FBXL17: variants seen among roughly 807,000 people sequenced by gnomAD.
The protein encoded by FBXL17 is F-box and leucine rich repeat protein 17.
Under a neutral mutation model 66.2 loss-of-function variants are expected in FBXL17, and 22 were observed. The ratio of observed to expected loss-of-function variants is 0.33; its 90% CI spans 0.24 to 0.47. FBXL17 has a LOEUF of 0.47. Ranked by LOEUF, FBXL17 falls within the 20% of genes least tolerant of loss-of-function variation. The pLI is 1.00. For missense variants in FBXL17, 878 were observed against 948.2 expected (o/e 0.93, Z 0.97); for synonymous variants, 474 against 400.5 (o/e 1.18, Z -2.19).
chr5:108,193,268 G>A (rs1041164067), intron 5 of FBXL17, among the ~76,000 whole-genome samples: 2 of 152,128 alleles, frequency 1.3e-5, no homozygotes, highest in Non-Finnish European at 2.9e-5. Context: ...GGAGACCAAG[G>A]GAGATCCTAA....
intron 4 of FBXL17, among the ~76,000 whole-genome samples, chr5:108,265,463 T>C (rs1442611697): frequency 6.6e-6 from 1 of 152,164 alleles, no homozygotes; most frequent in Admixed American, 6.5e-5. Context: ...TTAAACCCAG[T>C]ATCACTCCAT....
At chr5:107,951,093 T>C (rs1751484962) in intron 7 of FBXL17, among the ~76,000 whole-genome samples, 1 of 152,132 alleles carries the variant, frequency 6.6e-6, no homozygotes, top group Admixed American at 6.6e-5. Context: ...GCTGCTGCCA[T>C]TGTCATAATG....
intron 6 of FBXL17, among the ~76,000 whole-genome samples, chr5:108,086,618 G>C (rs1189500718): frequency 6.6e-6 from 1 of 152,106 alleles, no homozygotes; most frequent in African/African-American, 2.4e-5. Context: ...GAGTGCAGTG[G>C]CATGATCTCC....
intron 6 of FBXL17, among the ~76,000 whole-genome samples, chr5:108,073,652 A>G (rs1748426403): frequency 6.6e-6 from 1 of 152,214 alleles, no homozygotes; most frequent in Non-Finnish European, 1.5e-5. Flanking sequence ...ACTATAAACA[A>G]GTTTCCCTGA....
At chr5:107,891,073 G>A (rs959403453) in intron 7 of FBXL17, among the ~76,000 whole-genome samples, 5 of 152,174 alleles carry the variant, frequency 3.3e-5, no homozygotes, top group Admixed American at 2.6e-4. Context: ...TGAGAGTGTT[G>A]CAGTTTTAAT....
chr5:108,270,285 A>T (rs1757213360), intron 4 of FBXL17, among the ~76,000 whole-genome samples: 1 of 151,834 alleles, frequency 6.6e-6, no homozygotes, highest in African/African-American at 2.4e-5. Flanking sequence ...AGTGAAGGCG[A>T]TCTCCCCTAC....
rs1381404757 is a variant in FBXL17 at position 108,381,031 on chromosome 5, C to T, written c.661G>A (p.Gly221Ser). 9 of 1,186,930 alleles carry T rather than the reference C, an allele frequency of 7.6e-6. No individual in the cohort carries two copies. The highest frequency in any genetic ancestry group is 7.3e-6 in the Non-Finnish European group (7 of 959,258). 73.5% of individuals were successfully genotyped at this position (1,186,930 alleles called of 1,614,324 possible). A position where few individuals can be genotyped will look rare whatever the true frequency, so the allele number is the denominator to read the frequency against. The change falls in exon 1 of 9, where the codon GGC becomes AGC. Residue 221 changes from glycine to serine, a missense_variant. Gly to Ser is a moderately conservative substitution (Grantham distance 56). This residue lies in a region of FBXL17 where 605 missense variants were observed against 509.5 expected (regional missense o/e 1.19). Coordinates refer to ENST00000542267, the MANE Select transcript of FBXL17 (RefSeq NM_001163315.3). ...KQPRCGGGGC[G>S]GGGGGGGGGG... ...CCGCCACCGCCGCCGCCGCCGCCGC[C>T]GCAGCCCCCGCCGCCGCAGCGGGGC... is the stretch of plus-strand genomic sequence containing the variant.
chr5:108,355,631 G>C (rs779490880), intron 3 of FBXL17, among the ~76,000 whole-genome samples: 1 of 152,054 alleles, frequency 6.6e-6, no homozygotes, highest in African/African-American at 2.4e-5. Flanking sequence ...CACTACCTGT[G>C]ATGCAGTACA....
chr5:108,358,173 C>T (rs1281333407), intron 3 of FBXL17, among the ~76,000 whole-genome samples: 1 of 152,010 alleles, frequency 6.6e-6, no homozygotes, highest in Non-Finnish European at 1.5e-5. Context: ...CATTTTATTT[C>T]TTTTTCTTGC....
intron 6 of FBXL17, among the ~76,000 whole-genome samples, chr5:108,083,250 C>CACACACACACACACACACACACAG (rs369652150): frequency 6.9e-6 from 1 of 145,582 alleles, no homozygotes; most frequent in African/African-American, 2.6e-5. Flanking sequence ...CACACACACA[C>CACACACACACACACACACACACAG]AGAGAGAGAG....
At chr5:108,079,340 A>C (rs1349550652) in intron 6 of FBXL17, among the ~76,000 whole-genome samples, 1 of 152,116 alleles carries the variant, frequency 6.6e-6, no homozygotes, top group Non-Finnish European at 1.5e-5. Context: ...TAATGGAGCA[A>C]AGTGATCCTG....
chr5:107,937,455 G>A (rs577763535), intron 7 of FBXL17, among the ~76,000 whole-genome samples: 3 of 152,232 alleles, frequency 2.0e-5, no homozygotes, highest in African/African-American at 7.2e-5. Context: ...GTTGTAGGTT[G>A]TCATGGGAGC....
At chr5:108,224,356 T>C in intron 4 of FBXL17, 128 bp from the exon 5 acceptor site, 1 of 468,216 alleles carries the variant, frequency 2.1e-6, no homozygotes, top group South Asian at 3.6e-5. Context: ...ATCATTTGAA[T>C]CAGCATACAA....
intron 4 of FBXL17, among the ~76,000 whole-genome samples, chr5:108,235,869 T>C (rs889335037): frequency 1.3e-5 from 2 of 152,234 alleles, no homozygotes; most frequent in East Asian, 1.9e-4. Context: ...AATGGCTTGC[T>C]GGTTCAATAC....
chr5:108,177,395 AC>A (rs1470284117), intron 6 of FBXL17, among the ~76,000 whole-genome samples: 1 of 152,184 alleles, frequency 6.6e-6, no homozygotes, highest in Non-Finnish European at 1.5e-5. Flanking sequence ...CAAACATGTC[AC>A]CTTTTAGATA....
chr5:107,939,098 A>G (rs1274447394), intron 7 of FBXL17, among the ~76,000 whole-genome samples: 1 of 152,172 alleles, frequency 6.6e-6, no homozygotes, highest in Non-Finnish European at 1.5e-5. Context: ...TTGCTGAATG[A>G]GTCATGAATG....
intron 4 of FBXL17, among the ~76,000 whole-genome samples, chr5:108,294,281 TG>T (rs1758252874): frequency 2.6e-5 from 3 of 116,392 alleles, no homozygotes; most frequent in Non-Finnish European, 5.3e-5. Flanking sequence ...ATATATATAC[TG>T]AAAAAAAAAA....
chr5:108,291,665 T>C (rs1758118016), intron 4 of FBXL17, among the ~76,000 whole-genome samples: 1 of 152,152 alleles, frequency 6.6e-6, no homozygotes, highest in South Asian at 2.1e-4. Flanking sequence ...TCTCAAGACA[T>C]CCAACTGCGT....
intron 4 of FBXL17, chr5:108,298,497 T>C: frequency 1.0e-6 from 1 of 977,280 alleles, no homozygotes; most frequent in Non-Finnish European, 1.2e-6. Flanking sequence ...TAAGTTTTTC[T>C]TTATAAAAAT....
Sources: allele counts gnomAD v4.1 joint callset (sites outside exome capture counted in the v4.1 genomes callset), GRCh38; gene constraint gnomAD v4.1.1; regional missense constraint gnomAD v4.1.1; transcripts MANE v1.5; gene names NCBI Gene and HGNC (gene_info 2026-07-23, HGNC 2026-07-21).